The following TACC2 variants were observed in gnomAD, a reference collection of about 807,000 sequenced individuals.
TACC2 encodes transforming acidic coiled-coil-containing protein 2.
A neutral mutation model predicts 227.3 loss-of-function variants in TACC2; 137 were observed. The observed-to-expected ratio is 0.60, with a 90% confidence interval of 0.52 to 0.69. TACC2 has a LOEUF of 0.69. Among genes scored for constraint, TACC2 ranks in the 30% least tolerant of loss-of-function variants. The pLI is 0.00. For missense variants in TACC2, 3,470 were observed against 3,694.4 expected (o/e 0.94, Z 1.57); for synonymous variants, 1,523 against 1,487.5 (o/e 1.02, Z -0.55).
In TACC2 at chr10:122,085,574, C is replaced by T; in HGVS notation, c.3074C>T (p.Ser1025Phe). 2 of 1,613,234 alleles carry T rather than the reference C, an allele frequency of 1.2e-6. No homozygotes were observed. Among genetic ancestry groups the T allele is most frequent in the Non-Finnish European group, 1.7e-6 (2 of 1,179,998 alleles). The stretch of plus-strand genomic sequence containing the variant: ...GCTTCTGAAGCAGCTGATGGTTGTT[C>T]CCCACTCTGGGGCTTGAGTAAGAGG... ...PGASEAADGCSPLWGLSKREM... is the reference protein window; with the variant it reads ...PGASEAADGCFPLWGLSKREM... The change falls in exon 4 of 23, where the codon TCC (serine) becomes TTC (phenylalanine). Residue 1025 changes from serine to phenylalanine, a missense_variant. By Grantham distance (155) the Ser-to-Phe change is radical (BLOSUM62 -2). This residue lies in a region of TACC2 where 1,924 missense variants were observed against 1,978.3 expected (regional missense o/e 0.97). Coordinates refer to ENST00000369005, the MANE Select transcript of TACC2 (RefSeq NM_206862.4).
chr10:122,011,336 T>C (rs1277364226), intron 1 of TACC2, among the ~76,000 whole-genome samples: 1 of 152,114 alleles, frequency 6.6e-6, no homozygotes, highest in Non-Finnish European at 1.5e-5. Context: ...TGTTTGTTTT[T>C]GTTTTTTGTT....
intron 5 of TACC2, among the ~76,000 whole-genome samples, chr10:122,105,332 C>T (rs2082628392): frequency 6.6e-6 from 1 of 152,194 alleles, no homozygotes; most frequent in South Asian, 2.1e-4. Context: ...TCTCTGGCCT[C>T]ATTTCCCAGG....
chr10:122,212,892 G>A (rs574508768), intron 9 of TACC2, among the ~76,000 whole-genome samples: 1 of 152,314 alleles, frequency 6.6e-6, no homozygotes, highest in South Asian at 2.1e-4. Context: ...TTGATTTCAA[G>A]CCTGGAATAG....
intron 2 of TACC2, among the ~76,000 whole-genome samples, chr10:122,031,032 C>T (rs143171495): frequency 2.0e-4 from 31 of 152,260 alleles, no homozygotes; most frequent in African/African-American, 7.2e-4. Flanking sequence ...TCCACCCCCC[C>T]ATCTGATAAA....
chr10:122,228,746 G>A (rs1350385760), intron 14 of TACC2, among the ~76,000 whole-genome samples: 1 of 152,126 alleles, frequency 6.6e-6, no homozygotes, highest in Non-Finnish European at 1.5e-5. Flanking sequence ...CCTACTATGT[G>A]TTTGGCAGTT....
At chr10:122,160,347 C>T (rs2092742069) in intron 7 of TACC2, among the ~76,000 whole-genome samples, 1 of 152,118 alleles carries the variant, frequency 6.6e-6, no homozygotes, top group African/African-American at 2.4e-5. Context: ...TTCAGGGTCT[C>T]ATTAGGGTCG....
rs559916638 is a variant in TACC2 at position 122,089,749 on chromosome 10, C to A, written c.5573+1158C>A. Reference sequence around the variant, plus strand: ...CAGCTGCAGGCATTTTATAAATGATCTGATTCATATTTTGCACATTCAGAA... The same window carrying A: ...CAGCTGCAGGCATTTTATAAATGATATGATTCATATTTTGCACATTCAGAA... On this transcript the variant is annotated intron_variant, in intron 5 of 22. Coordinates refer to ENST00000369005, the MANE Select transcript of TACC2 (RefSeq NM_206862.4). 4.0e-5 allele frequency among the ~76,000 whole-genome samples: 6 copies of A among 151,872 alleles called. No individual in the cohort carries two copies. The East Asian group carries it at 1.2e-3, about 29-fold the overall frequency.
intron 7 of TACC2, among the ~76,000 whole-genome samples, chr10:122,146,583 A>G (rs1016069820): frequency 2.0e-5 from 3 of 152,066 alleles, no homozygotes; most frequent in Non-Finnish European, 4.4e-5. Context: ...TCGTTATAGG[A>G]TACCCTGAAC....
At chr10:122,120,342 T>C (rs1353501524) in intron 5 of TACC2, among the ~76,000 whole-genome samples, 1 of 152,108 alleles carries the variant, frequency 6.6e-6, no homozygotes, top group Non-Finnish European at 1.5e-5. Flanking sequence ...AGAAAATTGT[T>C]TGGGCTGGAG....
chr10:122,043,998 T>G lies in TACC2; in HGVS notation c.34-6440T>G, dbSNP rs79095626. ...GTTAACATTTTACACCATGCCTGTT[T>G]TAGTCATCAGTGTCTACCCAGAACC... On this transcript the variant is annotated intron_variant, in intron 2 of 22. Coordinates refer to ENST00000369005, the MANE Select transcript of TACC2 (RefSeq NM_206862.4). Among the ~76,000 whole-genome samples, 740 of 152,328 alleles carry G rather than the reference T, an allele frequency of 4.9e-3. 2 individuals carry two copies. The highest frequency in any genetic ancestry group is 0.017 in the African/African-American group (701 of 41,572).
At chr10:121,990,647 C>T (rs2134833625) in intron 1 of TACC2, among the ~76,000 whole-genome samples, 1 of 152,260 alleles carries the variant, frequency 6.6e-6, no homozygotes, top group African/African-American at 2.4e-5. Flanking sequence ...TGCCCCTCTG[C>T]CCTAATTCCT....
chr10:122,085,905 C>A lies in TACC2; in HGVS notation c.3405C>A (p.Ser1135Arg). ...CCGGGGCTGCTGAGACTGGTGGCAG[C>A]GCTGGTGCAGGAGACCCAGGAAAGC... ...GEAGAAETGG[S>R]AGAGDPGKQQ... The change falls in exon 4 of 23, where the codon AGC becomes AGA. Residue 1135 changes from serine to arginine, a missense_variant. Ser to Arg is a moderately radical substitution (Grantham distance 110, BLOSUM62 -1). Around this residue, in one of 10 missense-constraint regions of TACC2, gnomAD observed 1,924 missense variants for 1,978.3 expected, o/e 0.97. Coordinates refer to ENST00000369005, the MANE Select transcript of TACC2 (RefSeq NM_206862.4). 1 of 1,613,100 alleles carries A rather than the reference C, an allele frequency of 6.2e-7. No homozygotes were observed. Among genetic ancestry groups the A allele is most frequent in the Non-Finnish European group, 8.5e-7 (1 of 1,179,578 alleles).
At chr10:122,104,969 T>G (rs979960088) in intron 5 of TACC2, among the ~76,000 whole-genome samples, 3 of 152,208 alleles carry the variant, frequency 2.0e-5, no homozygotes, top group African/African-American at 4.8e-5. Flanking sequence ...GCATCTCACT[T>G]TTTAACCCTA....
intron 3 of TACC2, among the ~76,000 whole-genome samples, chr10:122,056,591 T>C (rs2076234766): frequency 6.6e-6 from 1 of 152,170 alleles, no homozygotes; most frequent in Non-Finnish European, 1.5e-5. Context: ...CCAGTGCTGT[T>C]GGGGCTCAGA....
rs188957341 is a variant in TACC2 at position 122,215,513 on chromosome 10, G to A, written c.7344+62G>A. The stretch of plus-strand genomic sequence containing the variant: ...CCCCCGGGGGAGGTTTTCTTCGCTT[G>A]TTGACAAAGCTTTGCTTTCTGCTCA... On this transcript the variant is annotated intron_variant, in intron 10 of 22. Transcript: ENST00000369005. The A allele has an allele frequency of 3.4e-3, 4,785 of 1,404,692 alleles. 24 individuals carry two copies. Among genetic ancestry groups the A allele is most frequent in the Middle Eastern group, 7.8e-3 (44 of 5,676 alleles). 87.0% of individuals were successfully genotyped at this position (1,404,692 alleles called of 1,614,324 possible).
At chr10:122,192,845 T>C in intron 7 of TACC2, 1 of 440,756 alleles carries the variant, frequency 2.3e-6, no homozygotes. Flanking sequence ...GATGGTGCAG[T>C]GCTGGGGGCC....
In TACC2 at chr10:122,143,655, G is replaced by C. The variant is rs1422902389; in HGVS notation, c.5783G>C (p.Arg1928Thr). 2 of 1,614,182 alleles carry C rather than the reference G, an allele frequency of 1.2e-6. No homozygotes were observed. Among genetic ancestry groups the C allele is most frequent in the Admixed American group, 1.7e-5 (1 of 60,018 alleles). Reference protein sequence around the residue: ...IVSPSAPAGDRVEASTPSCPD... With the variant: ...IVSPSAPAGDTVEASTPSCPD... ...TCGCCATCTGCCCCAGCTGGTGACA[G>C]AGTAGAAGCTTCCACTCCCTCCTGC... Residue 1928 changes from arginine to threonine, a missense_variant, in exon 7 of 23, where the codon AGA (arginine) becomes ACA (threonine). Arg to Thr is a moderately conservative substitution (Grantham distance 71). Transcript: ENST00000369005.
chr10:122,030,766 G>A (rs1958842222), intron 2 of TACC2, among the ~76,000 whole-genome samples: 2 of 151,858 alleles, frequency 1.3e-5, no homozygotes, highest in Admixed American at 6.6e-5. Flanking sequence ...AGGACCAGAC[G>A]AGGTCTGCCT....
chr10:122,123,876 C>T (rs886936248), intron 5 of TACC2, among the ~76,000 whole-genome samples: 11 of 145,498 alleles, frequency 7.6e-5, no homozygotes, highest in African/African-American at 1.3e-4. Context: ...TGCAGTGGCA[C>T]AATCTCGGCT....
Sources: gnomAD v4.1 joint callset for allele counts (sites outside exome capture counted in the v4.1 genomes callset) on GRCh38, gnomAD v4.1.1 for gene constraint, gnomAD v4.1.1 regional missense constraint, MANE v1.5 for transcripts, NCBI Gene and HGNC (gene_info 2026-07-23, HGNC 2026-07-21) for gene names.